KDM5A: variants seen among roughly 807,000 people sequenced by gnomAD.
The protein encoded by KDM5A is lysine demethylase 5A.
A neutral mutation model predicts 193.5 loss-of-function variants in KDM5A; 42 were observed. The ratio of observed to expected loss-of-function variants is 0.22; its 90% confidence interval spans 0.17 to 0.28. KDM5A has a LOEUF of 0.28. KDM5A is among the 10% of genes least tolerant of loss of function. The probability of loss-of-function intolerance (pLI) is 1.00; values close to 1 mark genes in which losing one functional copy is unlikely to be tolerated. For missense variants in KDM5A, 1,692 were observed against 2,055.1 expected (o/e 0.82, Z 3.42); for synonymous variants, 796 against 718.1 (o/e 1.11, Z -1.73).
At position 354,325 on chromosome 12, in the gene KDM5A, G is replaced by C. The variant is rs569617247; in HGVS notation, c.871-91C>G. On this transcript the variant is annotated intron_variant, in intron 7 of 27. Coordinates refer to ENST00000399788, the MANE Select transcript of KDM5A (RefSeq NM_001042603.3). Reference sequence around the variant, plus strand: ...CCTTAGCTGAAATAAACAAAATAATGCAACTGAAAAGTAAACATAACTTAA... The same window carrying C: ...CCTTAGCTGAAATAAACAAAATAATCCAACTGAAAAGTAAACATAACTTAA... 7.2e-5 allele frequency: 61 copies of C among 844,704 alleles called. No individual in the cohort carries two copies. In the South Asian group the frequency reaches 9.7e-4, roughly 13 times the overall value. The allele number at this position is 844,704 out of a possible 1,614,324, so 52.3% of individuals were successfully genotyped here. A position where few individuals can be genotyped will look rare whatever the true frequency, so the allele number is the denominator to read the frequency against.
intron 18 of KDM5A, 122 bp downstream of exon 18, chr12:320,873 T>C (rs1943708446): frequency 6.6e-6 from 5 of 762,674 alleles, no homozygotes; most frequent in Non-Finnish European, 1.2e-5. Context: ...AATAGCAGCA[T>C]ATATGTGAGA....
intron 12 of KDM5A, 118 bp from the exon 13 acceptor site, chr12:332,056 T>C: frequency 1.1e-6 from 1 of 947,694 alleles, no homozygotes; most frequent in Non-Finnish European, 1.6e-6. Context: ...CAATAAAGCA[T>C]TAAGTTACAC....
intron 27 of KDM5A, among the ~76,000 whole-genome samples, chr12:286,587 A>G (rs1943222191): frequency 6.6e-6 from 1 of 152,222 alleles, no homozygotes; most frequent in South Asian, 2.1e-4. Flanking sequence ...TTAAGAAGCC[A>G]CTTAAAACCA....
Position 289,956 on chromosome 12 carries a change from T to C in KDM5A, c.4866+2803A>G, listed in dbSNP as rs532259791. Among the ~76,000 whole-genome samples, 112 of 150,442 alleles carry C rather than the reference T, an allele frequency of 7.4e-4. 2 individuals carry two copies. The South Asian group carries it at 0.023, about 31-fold the overall frequency. On this transcript the variant is annotated intron_variant, in intron 27 of 27. Transcript: ENST00000399788. ...ACATCATCTTGCCAATCTTTTTCTT[T>C]TTGAGACAGGGTCTCCTGTGTAGCC...
intron 10 of KDM5A, among the ~76,000 whole-genome samples, chr12:342,233 C>A (rs919715545): frequency 6.6e-6 from 1 of 152,086 alleles, no homozygotes; most frequent in African/African-American, 2.4e-5. Context: ...ATGTGCAACT[C>A]TTTTAACAGG....
rs1408502417 is a variant in KDM5A, at chr12:282,876, TA to T, written c.*2579del. ...TTTAAATAGATGAATCTTGTTTCAT[TA>T]ATTCCAAAACCGCAGATTTGTGTAT... On this transcript the variant is annotated 3_prime_UTR_variant, in exon 28 of 28. Coordinates refer to ENST00000399788, the MANE Select transcript of KDM5A (RefSeq NM_001042603.3). The T allele has an allele frequency of 4.3e-6, 1 of 232,510 alleles. No individual in the cohort carries two copies. The highest frequency in any genetic ancestry group is 8.5e-6 in the Non-Finnish European group (1 of 117,682). The allele number at this position is 232,510 out of a possible 1,614,324, so 14.4% of individuals were successfully genotyped here.
intron 10 of KDM5A, among the ~76,000 whole-genome samples, chr12:340,148 G>C (rs986886031): frequency 6.6e-6 from 1 of 152,064 alleles, no homozygotes; most frequent in Non-Finnish European, 1.5e-5. Context: ...AAAGTGCTAG[G>C]ATTATGGGTG....
intron 24 of KDM5A, 99 bp downstream of exon 24, chr12:306,847 C>A: frequency 8.7e-7 from 1 of 1,155,478 alleles, no homozygotes; most frequent in South Asian, 1.3e-5. Flanking sequence ...TTTTCTCTTT[C>A]ACTTTCAGGC....
chr12:387,312 C>A, intron 1 of KDM5A: 1 of 332,988 alleles, frequency 3.0e-6, no homozygotes, highest in Non-Finnish European at 5.8e-6. Context: ...GATTTATTTT[C>A]AATAATGTGA....
intron 10 of KDM5A, among the ~76,000 whole-genome samples, chr12:340,694 C>CAAAAAAAAAAAA (rs375465074): frequency 2.0e-5 from 1 of 51,122 alleles, no homozygotes; most frequent in African/African-American, 6.1e-5. Flanking sequence ...GACTCCATCA[C>CAAAAAAAAAAAA]AAAAAAAAAA....
Position 389,186 on chromosome 12 carries a change from G to A in KDM5A, c.-95C>T, listed in dbSNP as rs970276855. 6 of 1,170,948 alleles carry A rather than the reference G, an allele frequency of 5.1e-6. No homozygotes were observed. In the East Asian group the frequency reaches 9.3e-5, roughly 18 times the overall value. 72.5% of individuals were successfully genotyped at this position (1,170,948 alleles called of 1,614,324 possible). ...AGCCCGTTCAAGTCCCCTGACAGAG[G>A]CCGAAGCGCATCTTCGCGGACAAGA... On this transcript the variant is annotated 5_prime_UTR_variant, in exon 1 of 28. Coordinates refer to ENST00000399788, the MANE Select transcript of KDM5A (RefSeq NM_001042603.3).
chr12:345,428 T>A (rs568388180), intron 10 of KDM5A, among the ~76,000 whole-genome samples: 34 of 152,290 alleles, frequency 2.2e-4, no homozygotes, highest in African/African-American at 7.7e-4. Flanking sequence ...CTAATAGACA[T>A]CTACAGAACT....
At chr12:373,933 T>TG (rs1242985951) in intron 3 of KDM5A, among the ~76,000 whole-genome samples, 4 of 152,254 alleles carry the variant, frequency 2.6e-5, no homozygotes, top group African/African-American at 9.6e-5. Flanking sequence ...GATTGCACTG[T>TG]GGTCTGAGAG....
chr12:295,835 A>G (rs757024186), intron 25 of KDM5A, 42 bp from the exon 26 acceptor site: 4 of 1,565,996 alleles, frequency 2.6e-6, no homozygotes, highest in Non-Finnish European at 3.5e-6. Context: ...AAAAAATTAA[A>G]ACTATGGAAA....
chr12:322,353 AT>A, intron 17 of KDM5A, 63 bp downstream of exon 17: 1 of 1,526,134 alleles, frequency 6.6e-7, no homozygotes, highest in Non-Finnish European at 9.0e-7. Context: ...GCCGGATAAA[AT>A]TTTGGTTTTT....
At chr12:328,250 TGATACAAA>T (rs1943816856) in intron 14 of KDM5A, among the ~76,000 whole-genome samples, 1 of 152,086 alleles carries the variant, frequency 6.6e-6, no homozygotes, top group African/African-American at 2.4e-5. Context: ...AGGAGGGACA[TGATACAAA>T]AACAGGAGGA....
At position 318,563 on chromosome 12, in the gene KDM5A, T is replaced by A. The variant is rs183842571; in HGVS notation, c.2542-102A>T. On this transcript the variant is annotated intron_variant, in intron 18 of 27. Transcript: ENST00000399788. The stretch of plus-strand genomic sequence containing the variant: ...AGGCAAACTATCAATTCTAGACTCT[T>A]ATAATCTCACCATCATAACACCAAA... 7.5e-6 allele frequency: 6 copies of A among 796,026 alleles called. No individual in the cohort carries two copies. The African/African-American group carries it at 1.0e-4, about 14-fold the overall frequency. 49.3% of individuals were successfully genotyped at this position (796,026 alleles called of 1,614,324 possible).
chr12:345,545 C>G (rs1591923605), intron 10 of KDM5A, among the ~76,000 whole-genome samples: 2 of 152,280 alleles, frequency 1.3e-5, no homozygotes, highest in Non-Finnish European at 2.9e-5. Context: ...TGAAAAAGAA[C>G]AGAAATCATA....
At chr12:384,249 C>G in intron 2 of KDM5A, 96 bp from the exon 3 acceptor site, 1 of 887,934 alleles carries the variant, frequency 1.1e-6, no homozygotes, top group Non-Finnish European at 1.9e-6. Flanking sequence ...GGACCAGTAC[C>G]CATCAGCGGC....
Sources: allele counts gnomAD v4.1 joint callset (sites outside exome capture counted in the v4.1 genomes callset), GRCh38; gene constraint gnomAD v4.1.1; transcripts MANE v1.5; gene names NCBI Gene and HGNC (gene_info 2026-07-23, HGNC 2026-07-21).